The following AGBL4 variants were observed in gnomAD, a reference collection of about 807,000 sequenced individuals.
AGBL4 encodes cytosolic carboxypeptidase 6.
A neutral mutation model predicts 66.4 loss-of-function variants in AGBL4; 58 were observed. The observed-to-expected ratio is 0.87, with a 90% CI of 0.71 to 1.09. The LOEUF is 1.09. Ranked by LOEUF, AGBL4 falls within the 50% of genes least tolerant of loss-of-function variation. The probability of loss-of-function intolerance (pLI) is 0.00; values close to 1 mark genes in which losing one functional copy is unlikely to be tolerated. For synonymous variants in AGBL4, 234 were observed against 222.9 expected (o/e 1.05, Z -0.44); for missense variants, 579 against 631.0 (o/e 0.92, Z 0.88).
intron 3 of AGBL4, among the ~76,000 whole-genome samples, chr1:49,327,604 T>C (rs1645251568): frequency 6.6e-6 from 1 of 152,214 alleles, no homozygotes; most frequent in South Asian, 2.1e-4. Context: ...TAAGGCTATG[T>C]CTTCACATAG....
intron 11 of AGBL4, chr1:48,584,218 T>A (rs1211840417): frequency 6.6e-6 from 1 of 152,266 alleles, no homozygotes; most frequent in Admixed American, 6.5e-5. Flanking sequence ...TCTACAATAC[T>A]GGCCCCCTCG....
chr1:49,592,180 A>G (rs2124088467), intron 3 of AGBL4, among the ~76,000 whole-genome samples: 1 of 152,300 alleles, frequency 6.6e-6, no homozygotes, highest in East Asian at 1.9e-4. Context: ...ATATTTGCAA[A>G]CTATGCACTC....
At chr1:48,852,815 C>T (rs912185550) in intron 6 of AGBL4, among the ~76,000 whole-genome samples, 1 of 152,128 alleles carries the variant, frequency 6.6e-6, no homozygotes, top group African/African-American at 2.4e-5. Context: ...AAAGCCATAT[C>T]TTGGGAAAAA....
chr1:48,978,584 C>G (rs1659518288), intron 5 of AGBL4, among the ~76,000 whole-genome samples: 1 of 152,160 alleles, frequency 6.6e-6, no homozygotes, highest in Non-Finnish European at 1.5e-5. Flanking sequence ...TGATAACTCC[C>G]ACTTGTTCCT....
intron 1 of AGBL4, among the ~76,000 whole-genome samples, chr1:49,873,443 T>C (rs1646887708): frequency 1.3e-5 from 2 of 151,972 alleles, no homozygotes; most frequent in African/African-American, 2.4e-5. Context: ...CAATTCACTA[T>C]GCCAAAACAA....
At chr1:49,883,924 C>T (rs1003997183) in intron 1 of AGBL4, among the ~76,000 whole-genome samples, 1 of 151,906 alleles carries the variant, frequency 6.6e-6, no homozygotes. Context: ...AGTTATTATT[C>T]TCAGAGAAAT....
chr1:49,961,739 A>T (rs1381990290), intron 1 of AGBL4, among the ~76,000 whole-genome samples: 1 of 152,160 alleles, frequency 6.6e-6, no homozygotes, highest in Admixed American at 6.6e-5. Flanking sequence ...GAACTAAATA[A>T]TGGTTCAATC....
At chr1:48,685,179 A>G (rs746850962) in intron 6 of AGBL4, among the ~76,000 whole-genome samples, 1 of 152,244 alleles carries the variant, frequency 6.6e-6, no homozygotes, top group Non-Finnish European at 1.5e-5. Context: ...GAATTTTTCA[A>G]ATTTGAATCA....
At chr1:49,945,240 G>C (rs569970003) in intron 1 of AGBL4, among the ~76,000 whole-genome samples, 1 of 152,168 alleles carries the variant, frequency 6.6e-6, no homozygotes, top group South Asian at 2.1e-4. Context: ...ATCACAAAAA[G>C]ATCATCACCT....
chr1:49,927,422 C>A (rs1427804324), intron 1 of AGBL4, among the ~76,000 whole-genome samples: 1 of 152,110 alleles, frequency 6.6e-6, no homozygotes, highest in African/African-American at 2.4e-5. Flanking sequence ...GCAGGCACCT[C>A]CTTCACAGAG....
At chr1:49,877,792 A>C (rs933102214) in intron 1 of AGBL4, among the ~76,000 whole-genome samples, 5 of 149,416 alleles carry the variant, frequency 3.3e-5, no homozygotes, top group Non-Finnish European at 7.4e-5. Context: ...CTGGTCCTGG[A>C]CTCTTTTTGG....
chr1:48,685,562 A>G (rs140598151), intron 6 of AGBL4, among the ~76,000 whole-genome samples: 160 of 152,296 alleles, frequency 1.1e-3, no homozygotes, highest in African/African-American at 3.7e-3. Context: ...GAAAACTGAC[A>G]GTACTTACTC....
intron 3 of AGBL4, among the ~76,000 whole-genome samples, chr1:49,439,772 C>G (rs925982127): frequency 6.6e-6 from 1 of 152,204 alleles, no homozygotes; most frequent in African/African-American, 2.4e-5. Context: ...TTCCTGCCCT[C>G]AAACATCAGA....
At chr1:48,766,784 A>G (rs1435027343) in intron 6 of AGBL4, among the ~76,000 whole-genome samples, 1 of 152,160 alleles carries the variant, frequency 6.6e-6, no homozygotes, top group Non-Finnish European at 1.5e-5. Context: ...TCCTGGACCC[A>G]TGTTCCCAGA....
At chr1:49,551,680 C>A (rs1011960458) in intron 3 of AGBL4, among the ~76,000 whole-genome samples, 1 of 152,198 alleles carries the variant, frequency 6.6e-6, no homozygotes, top group Non-Finnish European at 1.5e-5. Context: ...GACACCATCA[C>A]CTGTTCCAGT....
intron 3 of AGBL4, among the ~76,000 whole-genome samples, chr1:49,344,013 A>G (rs534693265): frequency 6.6e-6 from 1 of 152,278 alleles, no homozygotes; most frequent in South Asian, 2.1e-4. Context: ...ACTTTTGATA[A>G]CTGTTCAATT....
At chr1:48,870,654 C>T (rs1380357162) in intron 5 of AGBL4, among the ~76,000 whole-genome samples, 1 of 152,150 alleles carries the variant, frequency 6.6e-6, no homozygotes, top group Non-Finnish European at 1.5e-5. Context: ...GGGAGGGTTT[C>T]CCTTCTTTAC....
chr1:49,970,746 CAT>C (rs1553155083), intron 1 of AGBL4, among the ~76,000 whole-genome samples: 27 of 77,982 alleles, frequency 3.5e-4, no homozygotes, highest in African/African-American at 8.8e-4. Flanking sequence ...CACACACACA[CAT>C]ACACAAACAA....
Position 49,286,368 on chromosome 1 carries a change from T to C in AGBL4, c.283-40504A>G, listed in dbSNP as rs552373096. On this transcript the variant is annotated intron_variant, in intron 3 of 13. Coordinates refer to ENST00000371839, the MANE Select transcript of AGBL4 (RefSeq NM_032785.4). ...TATTGGAAGTTCTGGCCAGGGCAATTAGGCAGGAGAAGGAAATAAAGGGTA... is the reference window on the plus strand; with the variant it reads ...TATTGGAAGTTCTGGCCAGGGCAATCAGGCAGGAGAAGGAAATAAAGGGTA... Among the ~76,000 whole-genome samples, 1,102 of 151,376 alleles carry C rather than the reference T, an allele frequency of 7.3e-3. 17 individuals are homozygous for C. Among genetic ancestry groups the C allele is most frequent in the African/African-American group, 0.026 (1,058 of 41,208 alleles).
Sources: gnomAD v4.1 joint callset for allele counts (sites outside exome capture counted in the v4.1 genomes callset) on GRCh38, gnomAD v4.1.1 for gene constraint, MANE v1.5 for transcripts, NCBI Gene and HGNC (gene_info 2026-07-23, HGNC 2026-07-21) for gene names.